Variants in SCHIP1 observed in about 807,000 individuals in gnomAD.
SCHIP1 encodes the protein schwannomin interacting protein 1.
In SCHIP1, 8 loss-of-function variants were observed where a neutral mutation model predicts 29.7. The observed-to-expected ratio is 0.27, with a 90% CI of 0.16 to 0.49. The LOEUF is 0.49. SCHIP1 is among the 20% of genes least tolerant of loss of function. The pLI is 0.99. For synonymous variants in SCHIP1, 76 were observed against 94.9 expected (o/e 0.80, Z 1.16); for missense variants, 193 against 294.6 (o/e 0.66, Z 2.52).
the SCHIP1 span, among the ~76,000 whole-genome samples, chr3:159,510,754 G>T: frequency 6.6e-6 from 1 of 152,202 alleles, no homozygotes; most frequent in African/African-American, 2.4e-5. Flanking sequence ...GTTTGCCTGG[G>T]TATCAGCAGC....
the SCHIP1 span, among the ~76,000 whole-genome samples, chr3:159,297,919 C>A: frequency 6.6e-6 from 1 of 152,190 alleles, no homozygotes; most frequent in Non-Finnish European, 1.5e-5. Context: ...AGCTTTCTGG[C>A]TCAACATACT....
At chr3:159,319,614 G>T in the SCHIP1 span, among the ~76,000 whole-genome samples, 2 of 152,192 alleles carry the variant, frequency 1.3e-5, no homozygotes, top group South Asian at 4.1e-4. Context: ...GTCAATGAGA[G>T]AAACATTTTC....
chr3:159,478,763 T>C, the SCHIP1 span, among the ~76,000 whole-genome samples: 2 of 152,176 alleles, frequency 1.3e-5, no homozygotes, highest in Non-Finnish European at 2.9e-5. Flanking sequence ...ATCAGCATAT[T>C]ACAGGTCTTT....
chr3:159,433,984 G>A, the SCHIP1 span, among the ~76,000 whole-genome samples: 23 of 152,262 alleles, frequency 1.5e-4, no homozygotes, highest in East Asian at 9.7e-4. Context: ...TTGTCACACT[G>A]TATCATAATT....
At chr3:159,727,345 C>T in the SCHIP1 span, among the ~76,000 whole-genome samples, 1 of 152,096 alleles carries the variant, frequency 6.6e-6, no homozygotes, top group Non-Finnish European at 1.5e-5. Flanking sequence ...ACTGGTCTGC[C>T]TCCGCACAAG....
At chr3:159,845,978 A>G (rs988418146) in intron 1 of SCHIP1, 2 of 152,216 alleles carry the variant, frequency 1.3e-5, no homozygotes, top group African/African-American at 4.8e-5. Flanking sequence ...TTGGGGGTGC[A>G]GTGCAAGGCA....
At chr3:159,307,243 C>T in the SCHIP1 span, among the ~76,000 whole-genome samples, 54 of 152,268 alleles carry the variant, frequency 3.5e-4, no homozygotes, top group African/African-American at 1.3e-3. Context: ...GCCAAGAGTA[C>T]AGGGTTTAGA....
chr3:159,741,660 T>C, the SCHIP1 span, among the ~76,000 whole-genome samples: 1 of 152,158 alleles, frequency 6.6e-6, no homozygotes, highest in Non-Finnish European at 1.5e-5. Context: ...CTAAAGAACA[T>C]AGAAAAGGCC....
chr3:159,734,464 A>G, the SCHIP1 span, among the ~76,000 whole-genome samples: 1 of 152,072 alleles, frequency 6.6e-6, no homozygotes, highest in South Asian at 2.1e-4. Context: ...TTATAAGATA[A>G]GTCAAGGTAT....
the SCHIP1 span, among the ~76,000 whole-genome samples, chr3:159,456,239 T>C: frequency 6.6e-6 from 1 of 152,168 alleles, no homozygotes; most frequent in African/African-American, 2.4e-5. Flanking sequence ...TTAACTCGAA[T>C]GAATATTATG....
At chr3:159,346,281 T>TAA in the SCHIP1 span, among the ~76,000 whole-genome samples, 37 of 125,440 alleles carry the variant, frequency 2.9e-4, no homozygotes, top group African/African-American at 1.0e-3. Context: ...TTTTTTTTCT[T>TAA]AAAAAAAAAA....
At chr3:159,700,834 T>C in the SCHIP1 span, among the ~76,000 whole-genome samples, 1 of 147,508 alleles carries the variant, frequency 6.8e-6, no homozygotes, top group Non-Finnish European at 1.5e-5. Context: ...AAAAGAGAGA[T>C]GCAGTTCTGA....
chr3:159,760,905 A>G, the SCHIP1 span, among the ~76,000 whole-genome samples: 2 of 152,240 alleles, frequency 1.3e-5, no homozygotes, highest in Non-Finnish European at 2.9e-5. Flanking sequence ...AAGATTAGCA[A>G]TTAAACAGCA....
the SCHIP1 span, among the ~76,000 whole-genome samples, chr3:159,553,067 A>G: frequency 6.6e-6 from 1 of 152,182 alleles, no homozygotes; most frequent in African/African-American, 2.4e-5. Flanking sequence ...CATGGCTGAC[A>G]ATACCTATTA....
the SCHIP1 span, among the ~76,000 whole-genome samples, chr3:159,631,166 T>C: frequency 3.5e-5 from 5 of 144,686 alleles, no homozygotes; most frequent in East Asian, 1.0e-3. Flanking sequence ...TACTAAAACT[T>C]AAAAAAAAAA....
chr3:159,764,750 A>G, the SCHIP1 span: 1 of 1,572,598 alleles, frequency 6.4e-7, no homozygotes. This position sits in a 1 kb window ranked among gnomAD's most constrained non-coding sequence, Gnocchi z 6.1. Context: ...GAACCGGGGG[A>G]CGTAAGCGCC....
the SCHIP1 span, among the ~76,000 whole-genome samples, chr3:159,777,332 GAAGT>G: frequency 6.6e-6 from 1 of 152,182 alleles, no homozygotes; most frequent in African/African-American, 2.4e-5. Flanking sequence ...TGAGATTGTA[GAAGT>G]AAGAAATCTT....
At chr3:159,473,797 T>C in the SCHIP1 span, among the ~76,000 whole-genome samples, 1 of 152,032 alleles carries the variant, frequency 6.6e-6, no homozygotes. Context: ...ATTTTACTTT[T>C]GATTTTTGCA....
exon 7 of SCHIP1, chr3:159,896,947 T>G: frequency 1.7e-6 from 1 of 600,086 alleles, no homozygotes; most frequent in Non-Finnish European, 2.6e-6. Context: ...AATTTTTTAC[T>G]TGTGCCACTT....
Sources: gnomAD v4.1 joint callset for allele counts (sites outside exome capture counted in the v4.1 genomes callset) on GRCh38, gnomAD v4.1.1 for gene constraint, Gnocchi (gnomAD v3.1) non-coding constraint, MANE v1.5 for transcripts, NCBI Gene and HGNC (gene_info 2026-07-23, HGNC 2026-07-21) for gene names.